Variants in LHFPL3 observed in about 807,000 individuals in gnomAD.
The protein encoded by LHFPL3 is LHFPL tetraspan subfamily member 3, also known as LHFPL tetraspan subfamily member 3 protein.
In LHFPL3, 5 loss-of-function variants were observed where a neutral mutation model predicts 19.3. The observed-to-expected ratio is 0.26, with a 90% CI of 0.14 to 0.54. LHFPL3 has a LOEUF of 0.54. Among genes scored for constraint, LHFPL3 ranks in the 20% least tolerant of loss-of-function variants. The pLI, the probability that LHFPL3 is intolerant of heterozygous loss-of-function variation, is 0.94. For missense variants in LHFPL3, 249 were observed against 307.4 expected (o/e 0.81, Z 1.42); for synonymous variants, 133 against 126.2 (o/e 1.05, Z -0.36).
At chr7:104,793,655 G>C (rs1034451783) in intron 2 of LHFPL3, among the ~76,000 whole-genome samples, 1 of 152,138 alleles carries the variant, frequency 6.6e-6, no homozygotes, top group Non-Finnish European at 1.5e-5. Flanking sequence ...ACAAGAGCTG[G>C]GTTTGTTTTG....
intron 1 of LHFPL3, among the ~76,000 whole-genome samples, chr7:104,560,956 G>T (rs1003925322): frequency 1.3e-5 from 2 of 149,682 alleles, no homozygotes; most frequent in African/African-American, 5.1e-5. Flanking sequence ...AGTCATTCAG[G>T]AGCAGGTTGT....
At chr7:104,580,600 A>T (rs927733028) in intron 1 of LHFPL3, among the ~76,000 whole-genome samples, 5 of 152,114 alleles carry the variant, frequency 3.3e-5, no homozygotes, top group Non-Finnish European at 5.9e-5. Flanking sequence ...TAGGCATATT[A>T]TTCAATGAAT....
chr7:104,646,521 A>T (rs1407743951), intron 1 of LHFPL3, among the ~76,000 whole-genome samples: 2 of 152,194 alleles, frequency 1.3e-5, no homozygotes, highest in Admixed American at 1.3e-4. Context: ...TTTTGGCTGC[A>T]TTATCTGGTT....
intron 2 of LHFPL3, among the ~76,000 whole-genome samples, chr7:104,886,272 G>C (rs1390991957): frequency 6.6e-6 from 1 of 152,186 alleles, no homozygotes; most frequent in Admixed American, 6.5e-5. Context: ...GGAGGAAAAT[G>C]AAGAAAAAGT....
intron 1 of LHFPL3, among the ~76,000 whole-genome samples, chr7:104,434,159 T>G (rs1463668170): frequency 1.3e-5 from 2 of 152,254 alleles, no homozygotes; most frequent in Admixed American, 6.5e-5. Flanking sequence ...ACTGACTTAT[T>G]CAATGGTTAC....
At chr7:104,640,429 T>C (rs534513517) in intron 1 of LHFPL3, among the ~76,000 whole-genome samples, 1 of 152,220 alleles carries the variant, frequency 6.6e-6, no homozygotes, top group Non-Finnish European at 1.5e-5. Flanking sequence ...GCTTCATCCA[T>C]GTACCTGCAA....
At chr7:104,430,392 A>ATACATGTATATATATATATATATG (rs1554393134) in intron 1 of LHFPL3, among the ~76,000 whole-genome samples, 1 of 56,578 alleles carries the variant, frequency 1.8e-5, no homozygotes, top group Non-Finnish European at 2.9e-5. Flanking sequence ...ACATATATAT[A>ATACATGTATATATATATATATATG]TATATATATA....
intron 1 of LHFPL3, among the ~76,000 whole-genome samples, chr7:104,432,846 C>T (rs948908933): frequency 6.6e-6 from 1 of 152,130 alleles, no homozygotes; most frequent in Non-Finnish European, 1.5e-5. Context: ...GATTCACACT[C>T]TTTTTTATCT....
chr7:104,479,630 G>C (rs550664510), intron 1 of LHFPL3, among the ~76,000 whole-genome samples: 49 of 152,248 alleles, frequency 3.2e-4, no homozygotes, highest in Middle Eastern at 3.4e-3. Flanking sequence ...GACCTCATGT[G>C]ATCCACCTGC....
At chr7:104,372,995 T>TAGAAAAAAAAA (rs748027261) in intron 1 of LHFPL3, among the ~76,000 whole-genome samples, 7 of 28,682 alleles carry the variant, frequency 2.4e-4, no homozygotes, top group Non-Finnish European at 5.0e-4. Flanking sequence ...AGAGCTTCTT[T>TAGAAAAAAAAA]ACAAAAAAAA....
intron 1 of LHFPL3, among the ~76,000 whole-genome samples, chr7:104,444,205 C>T (rs1044190616): frequency 6.6e-6 from 1 of 152,200 alleles, no homozygotes; most frequent in Non-Finnish European, 1.5e-5. Flanking sequence ...CTGTAACATG[C>T]CTACAGAGTG....
At chr7:104,874,845 G>A (rs557316240) in intron 2 of LHFPL3, among the ~76,000 whole-genome samples, 16 of 151,346 alleles carry the variant, frequency 1.1e-4, no homozygotes, top group Admixed American at 7.3e-4. Flanking sequence ...TTGATGGTTT[G>A]GTTCTTTTTC....
intron 1 of LHFPL3, among the ~76,000 whole-genome samples, chr7:104,497,111 A>G (rs554347250): frequency 5.9e-5 from 9 of 152,242 alleles, no homozygotes; most frequent in Admixed American, 1.3e-4. Flanking sequence ...GTGATGGAAA[A>G]GTAGATTATC....
At chr7:104,537,150 T>C (rs1794404221) in intron 1 of LHFPL3, among the ~76,000 whole-genome samples, 1 of 152,154 alleles carries the variant, frequency 6.6e-6, no homozygotes, top group East Asian at 1.9e-4. Flanking sequence ...CTCCTGCAAA[T>C]GGTTGGCTCT....
chr7:104,592,426 C>CTGCAGGACAGCAAATAT lies in LHFPL3; in HGVS notation c.446-144244_446-144243insGACAGCAAATATTGCAG, dbSNP rs1554411587. 5.0e-4 allele frequency among the ~76,000 whole-genome samples: 70 copies of CTGCAGGACAGCAAATAT among 140,964 alleles called. 1 individual carries two copies. Among genetic ancestry groups the CTGCAGGACAGCAAATAT allele is most frequent in the African/African-American group, 1.8e-3 (67 of 37,850 alleles). The allele number at this position is 140,964 out of a possible 152,430, so 92.5% of individuals were successfully genotyped here. On this transcript the variant is annotated intron_variant, in intron 1 of 2. Transcript: ENST00000424859. ...TTTGCCTGGGTATCACCAGCGGAGG[C>CTGCAGGACAGCAAATAT]TGCAGAACAGCAAATGTTGCTGCCT...
intron 2 of LHFPL3, among the ~76,000 whole-genome samples, chr7:104,849,456 T>C (rs1435812861): frequency 6.6e-6 from 1 of 152,214 alleles, no homozygotes; most frequent in Non-Finnish European, 1.5e-5. Context: ...TCCTGGGGGC[T>C]GGGTGGCCCT....
intron 1 of LHFPL3, among the ~76,000 whole-genome samples, chr7:104,518,177 A>G (rs542481028): frequency 5.3e-5 from 8 of 152,308 alleles, no homozygotes; most frequent in Admixed American, 3.9e-4. Context: ...TTTATAATTT[A>G]TACTGTTTGT....
At chr7:104,518,797 TGATA>T (rs56373754) in intron 1 of LHFPL3, among the ~76,000 whole-genome samples, 19,002 of 138,522 alleles carry the variant, frequency 0.14, 1,332 homozygotes, top group Admixed American at 0.17. Context: ...AATAAATAGA[TGATA>T]GATAGATAGA....
At chr7:104,533,655 G>A (rs1794343601) in intron 1 of LHFPL3, among the ~76,000 whole-genome samples, 1 of 152,156 alleles carries the variant, frequency 6.6e-6, no homozygotes, top group African/African-American at 2.4e-5. Flanking sequence ...CAAAATCAGT[G>A]CCTACACAAG....
Sources: gnomAD v4.1 joint callset for allele counts (sites outside exome capture counted in the v4.1 genomes callset) on GRCh38, gnomAD v4.1.1 for gene constraint, MANE v1.5 for transcripts, NCBI Gene and HGNC (gene_info 2026-07-23, HGNC 2026-07-21) for gene names.